TRIM16: variants seen among roughly 807,000 people sequenced by gnomAD.
TRIM16 encodes the protein tripartite motif-containing protein 16.
A neutral mutation model predicts 50.4 loss-of-function variants in TRIM16; 33 were observed. That is an observed-to-expected ratio of 0.65 (90% CI 0.50 to 0.88). The LOEUF (loss-of-function observed/expected upper bound fraction) is 0.88. Ranked by LOEUF, TRIM16 falls within the 40% of genes least tolerant of loss-of-function variation. The probability of loss-of-function intolerance (pLI) is 0.00; values close to 1 mark genes in which losing one functional copy is unlikely to be tolerated. For synonymous variants in TRIM16, 229 were observed against 270.7 expected (o/e 0.85, Z 1.51); for missense variants, 581 against 686.8 (o/e 0.85, Z 1.72).
At chr17:15,650,419 T>C (rs985650561) in intron 7 of TRIM16, among the ~76,000 whole-genome samples, 3 of 152,198 alleles carry the variant, frequency 2.0e-5, no homozygotes, top group Admixed American at 2.0e-4. Flanking sequence ...AGTTTCCTTA[T>C]CCGATGGAAA....
chr17:15,631,636 C>G lies in TRIM16; in HGVS notation c.1094G>C (p.Arg365Thr), dbSNP rs372057365. ...YWTSKPEPSTREQFLQYAYDI... is the reference protein window; with the variant it reads ...YWTSKPEPSTTEQFLQYAYDI... Reference sequence around the variant, plus strand: ...CAACTTACATTGGAGGAACTGTTCCCTGGTGCTGGGCTCAGGTTTGGAAGT... The same window carrying G: ...CAACTTACATTGGAGGAACTGTTCCGTGGTGCTGGGCTCAGGTTTGGAAGT... Residue 365 changes from arginine to threonine, a missense_variant, in exon 11 of 12, where the codon AGG becomes ACG. Coordinates refer to ENST00000649191, the MANE Select transcript of TRIM16 (RefSeq NM_001348119.1). 7.4e-5 allele frequency: 119 copies of G among 1,613,804 alleles called. No individual in the cohort carries two copies. The highest frequency in any genetic ancestry group is 2.3e-4 in the Admixed American group (14 of 59,980).
At position 15,667,182 on chromosome 17, in the gene TRIM16, A is replaced by G. The variant is rs1161542656; in HGVS notation, c.-338+9994T>C. ...GTGTGAGGTCAAAACTATTTTCATG[A>G]TAACACTTGAGTATTCTTTGCTATT... On this transcript the variant is annotated intron_variant, in intron 6 of 11. Transcript: ENST00000649191. 2.6e-5 allele frequency among the ~76,000 whole-genome samples: 4 copies of G among 152,080 alleles called. No homozygotes were observed. In the East Asian group the frequency reaches 7.7e-4, roughly 29 times the overall value.
chr17:15,652,129 G>A (rs1340427660), intron 6 of TRIM16, 183 bp from the exon 7 acceptor site: 5 of 208,914 alleles, frequency 2.4e-5, no homozygotes, highest in Non-Finnish European at 4.2e-5. Flanking sequence ...CTAGGAATAG[G>A]ATGCATGTTT....
chr17:15,673,856 A>G (rs1435009613), intron 6 of TRIM16, among the ~76,000 whole-genome samples: 4 of 152,146 alleles, frequency 2.6e-5, no homozygotes, highest in Admixed American at 6.5e-5. Flanking sequence ...AATTCATATG[A>G]CCATTTTTTT....
chr17:15,655,721 C>T (rs1987945346), intron 6 of TRIM16, among the ~76,000 whole-genome samples: 1 of 152,112 alleles, frequency 6.6e-6, no homozygotes, highest in Non-Finnish European at 1.5e-5. Flanking sequence ...ACTACACGCA[C>T]CCACCACCAT....
At chr17:15,677,942 G>A (rs1989016017) in intron 4 of TRIM16, among the ~76,000 whole-genome samples, 7 of 152,158 alleles carry the variant, frequency 4.6e-5, no homozygotes, top group Admixed American at 3.9e-4. Context: ...TATCGGCTGG[G>A]TGCAGTGGCT....
chr17:15,649,401 T>C (rs879821747), intron 7 of TRIM16, among the ~76,000 whole-genome samples: 27 of 152,062 alleles, frequency 1.8e-4, no homozygotes, highest in Non-Finnish European at 5.9e-5. Context: ...ATTCTCCTAC[T>C]GCAGCCTCCC....
Position 15,636,111 on chromosome 17 carries a change from C to G in TRIM16, c.774G>C (p.Arg258Ser). The G allele has an allele frequency of 1.2e-6, 2 of 1,609,832 alleles. No individual in the cohort carries two copies. The highest frequency in any genetic ancestry group is 1.7e-6 in the Non-Finnish European group (2 of 1,178,870). Residue 258 changes from arginine to serine, a missense_variant, in exon 9 of 12, where the codon AGG becomes AGC. Transcript: ENST00000649191. ...ANGIKAHLEYRSAEMEKSKQE... is the reference protein window; with the variant it reads ...ANGIKAHLEYSSAEMEKSKQE... ...GCTTGCTCTTCTCCATCTCGGCACTCCTGTACTCCAGGTGGGCCTTGATAC... is the reference window on the plus strand; with the variant it reads ...GCTTGCTCTTCTCCATCTCGGCACTGCTGTACTCCAGGTGGGCCTTGATAC...
In TRIM16 at chr17:15,679,411, C is replaced by T. The variant is rs369570001; in HGVS notation, c.-590+1454G>A. 7.3e-4 allele frequency among the ~76,000 whole-genome samples: 109 copies of T among 148,930 alleles called. 1 individual carries two copies. In the East Asian group the frequency reaches 0.02, roughly 27 times the overall value. On this transcript the variant is annotated intron_variant, in intron 4 of 11. Transcript: ENST00000649191. ...TAGAGTGCAGAAATCTGAGGCCTCA[C>T]GTGGTTGGAAAAGCAAACTGTTTCT...
chr17:15,664,704 C>T (rs779504998), intron 6 of TRIM16, among the ~76,000 whole-genome samples: 54 of 151,976 alleles, frequency 3.6e-4, no homozygotes, highest in Non-Finnish European at 7.1e-4. Context: ...ACAGTATCAA[C>T]GTCATGATGT....
rs534288322 is a variant in TRIM16 at position 15,652,818 on chromosome 17, T to C, written c.-337-872A>G. 4.6e-5 allele frequency among the ~76,000 whole-genome samples: 7 copies of C among 152,286 alleles called. No individual in the cohort carries two copies. In the South Asian group the frequency reaches 6.2e-4, roughly 14 times the overall value. On this transcript the variant is annotated intron_variant, in intron 6 of 11. Transcript: ENST00000649191. ...ATCATCTTCCTGAACATTCCAGTAA[T>C]GTCCGTCACACTCGTGGAGATGAAC...
intron 6 of TRIM16, among the ~76,000 whole-genome samples, chr17:15,663,402 G>A (rs888152390): frequency 2.6e-5 from 4 of 152,198 alleles, no homozygotes; most frequent in Non-Finnish European, 5.9e-5. Context: ...ACAGCTGCCA[G>A]TTCTATATTT....
At chr17:15,637,655 C>T (rs1597611183) in intron 8 of TRIM16, among the ~76,000 whole-genome samples, 1 of 144,786 alleles carries the variant, frequency 6.9e-6, no homozygotes. Flanking sequence ...GGCCAGCCGC[C>T]CCGTCCGGGA....
chr17:15,641,604 G>T (rs1393264049), intron 8 of TRIM16, among the ~76,000 whole-genome samples: 1 of 149,064 alleles, frequency 6.7e-6, no homozygotes, highest in South Asian at 2.2e-4. Flanking sequence ...ATCTCTGAAG[G>T]TTTATAAGGC....
intron 6 of TRIM16, among the ~76,000 whole-genome samples, chr17:15,667,914 T>C (rs1988568351): frequency 6.6e-6 from 1 of 152,110 alleles, no homozygotes; most frequent in Non-Finnish European, 1.5e-5. Context: ...GTCCTTTGTA[T>C]GTCCCAGGAT....
Position 15,637,271 on chromosome 17 carries a change from G to A in TRIM16, c.616-1002C>T, listed in dbSNP as rs1467167305. On this transcript the variant is annotated intron_variant, in intron 8 of 11. Transcript: ENST00000649191. ...CCGCCCCGTCCGGGAGGTGAGGGGC[G>A]CCTCTGCCCGGCCGCCCCTACTGGG... Among the ~76,000 whole-genome samples, 3 of 123,658 alleles carry A rather than the reference G, an allele frequency of 2.4e-5. No individual in the cohort carries two copies. In the East Asian group the frequency reaches 8.1e-4, roughly 34 times the overall value. The allele number at this position is 123,658 out of a possible 152,430, so 81.1% of individuals were successfully genotyped here.
In TRIM16 at chr17:15,651,209, T is replaced by C; in HGVS notation, c.401A>G (p.His134Arg). 6.2e-7 allele frequency: 1 copy of C among 1,614,208 alleles called. No homozygotes were observed. The highest frequency in any genetic ancestry group is 1.6e-4 in the Middle Eastern group (1 of 6,062). ...KDHNWRYCPA[H>R]HSPLSAFCCP... ...GCAGAAGGCAGACAGTGGGCTGTGG[T>C]GGGCAGGGCAGTATCGCCAGTTGTG... The change falls in exon 7 of 12, where the codon CAC (histidine) becomes CGC (arginine). Residue 134 changes from histidine to arginine, a missense_variant. By Grantham distance (29) the His-to-Arg change is conservative. Around this residue, in one of 3 missense-constraint regions of TRIM16, gnomAD observed 450 missense variants for 544.3 expected, o/e 0.83. Coordinates refer to ENST00000649191, the MANE Select transcript of TRIM16 (RefSeq NM_001348119.1).
chr17:15,652,326 T>G (rs1176001437), intron 6 of TRIM16, among the ~76,000 whole-genome samples: 1 of 149,866 alleles, frequency 6.7e-6, no homozygotes, highest in Non-Finnish European at 1.5e-5. Flanking sequence ...TTCTTTTTTT[T>G]TTTTTTGTAT....
chr17:15,650,942 T>G, intron 7 of TRIM16, 149 bp downstream of exon 7: 11 of 1,158,406 alleles, frequency 9.5e-6, no homozygotes, highest in Non-Finnish European at 1.3e-5. Flanking sequence ...ATATTTACAC[T>G]GACCCAGCAG....
Sources: gnomAD v4.1 joint callset for allele counts (sites outside exome capture counted in the v4.1 genomes callset) on GRCh38, gnomAD v4.1.1 for gene constraint, gnomAD v4.1.1 regional missense constraint, MANE v1.5 for transcripts, NCBI Gene and HGNC (gene_info 2026-07-23, HGNC 2026-07-21) for gene names.